The following ACSBG1 variants were observed in gnomAD, a reference collection of about 807,000 sequenced individuals.
The protein encoded by ACSBG1 is acyl-CoA synthetase bubblegum family member 1.
Under a neutral mutation model 80.2 loss-of-function variants are expected in ACSBG1, and 39 were observed. That is an observed-to-expected ratio of 0.49 (90% CI 0.38 to 0.64). The LOEUF is 0.64. Among genes scored for constraint, ACSBG1 ranks in the 30% least tolerant of loss-of-function variants. ACSBG1 has a pLI of 0.00. For synonymous variants in ACSBG1, 392 were observed against 379.5 expected (o/e 1.03, Z -0.38); for missense variants, 828 against 966.4 (o/e 0.86, Z 1.90).
intron 10 of ACSBG1, among the ~76,000 whole-genome samples, chr15:78,179,267 A>T (rs2074915868): frequency 6.6e-6 from 1 of 152,152 alleles, no homozygotes; most frequent in African/African-American, 2.4e-5. Flanking sequence ...GCCAGAGGAA[A>T]ACTGCTCCAT....
chr15:78,194,407 G>T (rs1390575800), intron 3 of ACSBG1, 99 bp downstream of exon 3: 1 of 1,116,260 alleles, frequency 9.0e-7, no homozygotes, highest in Non-Finnish European at 1.3e-6. Flanking sequence ...GTTCCTAAGA[G>T]CCTTGCCCAG....
chr15:78,217,626 G>A (rs2141379080), intron 1 of ACSBG1, among the ~76,000 whole-genome samples: 1 of 151,390 alleles, frequency 6.6e-6, no homozygotes. Flanking sequence ...GAGTGCAGTG[G>A]TGCGATCTCG....
At chr15:78,182,427 C>A in intron 7 of ACSBG1, 39 bp downstream of exon 7, 3 of 1,596,890 alleles carry the variant, frequency 1.9e-6, no homozygotes, top group Non-Finnish European at 2.6e-6. Context: ...ACCCATAACC[C>A]CCTTGCACCC....
chr15:78,201,873 G>C (rs1371794523), intron 2 of ACSBG1, among the ~76,000 whole-genome samples: 2 of 152,222 alleles, frequency 1.3e-5, no homozygotes, highest in African/African-American at 4.8e-5. Flanking sequence ...ACATGCATGA[G>C]ACCGGAGCTG....
At chr15:78,206,315 T>C (rs1052638807) in intron 2 of ACSBG1, among the ~76,000 whole-genome samples, 2 of 152,096 alleles carry the variant, frequency 1.3e-5, no homozygotes, top group Non-Finnish European at 1.5e-5. Flanking sequence ...CAGCCACAGG[T>C]CCTTCTAATG....
chr15:78,213,976 G>A (rs1287551750), intron 1 of ACSBG1: 1 of 152,226 alleles, frequency 6.6e-6, no homozygotes, highest in Non-Finnish European at 1.5e-5. Context: ...ATTGTGAACA[G>A]GGGTCTCCAC....
At chr15:78,225,520 A>G (rs2075393612) in intron 1 of ACSBG1, among the ~76,000 whole-genome samples, 1 of 152,160 alleles carries the variant, frequency 6.6e-6, no homozygotes, top group Admixed American at 6.5e-5. Flanking sequence ...AAAATGTGCA[A>G]GATACCTACA....
intron 5 of ACSBG1, among the ~76,000 whole-genome samples, chr15:78,183,360 T>C (rs936566128): frequency 5.3e-5 from 8 of 152,158 alleles, no homozygotes; most frequent in Non-Finnish European, 1.2e-4. Flanking sequence ...GAGGGTCATT[T>C]GAGGTCAGGA....
chr15:78,173,618 GTC>G lies in ACSBG1; in HGVS notation c.2062_2063del (p.Asp688LeufsTer28), dbSNP rs755031115. The G allele has an allele frequency of 6.2e-7, 1 of 1,614,084 alleles. No homozygotes were observed. The highest frequency in any genetic ancestry group is 8.5e-7 in the Non-Finnish European group (1 of 1,180,036). On this transcript the variant is annotated frameshift_variant, in exon 13 of 14. Coordinates refer to ENST00000258873, the MANE Select transcript of ACSBG1 (RefSeq NM_015162.5). LOFTEE classifies it high-confidence loss of function. ...HIQKWAILER[D>X]FSISGGELGP... ...CCAACTCTCCACCCGAAATGGAGAA[GTC>G]TCTCTCGAGAATGGCCCACTTCTGG...
chr15:78,176,255 G>T (rs1333814979), intron 11 of ACSBG1, among the ~76,000 whole-genome samples: 1 of 152,016 alleles, frequency 6.6e-6, no homozygotes, highest in African/African-American at 2.4e-5. Flanking sequence ...CTGAGATCAG[G>T]AACAAAACAA....
At position 78,194,618 on chromosome 15, in the gene ACSBG1, T is replaced by C. The variant is rs1387459033; in HGVS notation, c.341A>G (p.Asp114Gly). The change falls in exon 3 of 14, where the codon GAT (aspartate) becomes GGT (glycine). Residue 114 changes from aspartate to glycine, a missense_variant. Physicochemically the swap from Asp to Gly is moderately conservative, Grantham distance 94. Around this residue, in one of 3 missense-constraint regions of ACSBG1, gnomAD observed 356 missense variants for 363.5 expected, o/e 0.98. Transcript: ENST00000258873. Reference sequence around the variant, plus strand: ...CAAAGCGATGAGGTCCCCATACTTATCCAGGGCCTCGTAGAACATCCGATG... The same window carrying C: ...CAAAGCGATGAGGTCCCCATACTTACCCAGGGCCTCGTAGAACATCCGATG... ...TVHRMFYEAL[D>G]KYGDLIALGF... 7 of 1,614,268 alleles carry C rather than the reference T, an allele frequency of 4.3e-6. No homozygotes were observed. Among genetic ancestry groups the C allele is most frequent in the Middle Eastern group, 1.6e-4 (1 of 6,062 alleles).
At position 78,176,820 on chromosome 15, in the gene ACSBG1, G is replaced by A. The variant is rs528112322; in HGVS notation, c.1702+1794C>T. Among the ~76,000 whole-genome samples the A allele has an allele frequency of 3.9e-5, 6 of 152,178 alleles. No individual in the cohort carries two copies. In the South Asian group the frequency reaches 1.0e-3, roughly 26 times the overall value. The stretch of plus-strand genomic sequence containing the variant: ...CACCTGTGGTCCCAGCTACTTGAGA[G>A]GCTGAGGCTGGACCGGAGGATCACT... On this transcript the variant is annotated intron_variant, in intron 11 of 13. Coordinates refer to ENST00000258873, the MANE Select transcript of ACSBG1 (RefSeq NM_015162.5).
chr15:78,228,067 A>G (rs969092285), intron 1 of ACSBG1, among the ~76,000 whole-genome samples: 2 of 152,164 alleles, frequency 1.3e-5, no homozygotes, highest in South Asian at 2.1e-4. Flanking sequence ...GCTGACATCT[A>G]AATTCTTATT....
intron 5 of ACSBG1, among the ~76,000 whole-genome samples, chr15:78,192,329 G>A (rs1054915272): frequency 4.6e-5 from 7 of 152,164 alleles, no homozygotes; most frequent in Non-Finnish European, 1.0e-4. Context: ...AGCTCTGGCA[G>A]GTCCAGCCCA....
intron 4 of ACSBG1, 105 bp from the exon 5 acceptor site, chr15:78,193,731 C>T: frequency 6.7e-7 from 1 of 1,485,700 alleles, no homozygotes; most frequent in Non-Finnish European, 9.0e-7. Flanking sequence ...CTCCCATAGC[C>T]TGGCAGGAGG....
intron 5 of ACSBG1, among the ~76,000 whole-genome samples, chr15:78,183,916 T>C (rs937118389): frequency 1.6e-4 from 25 of 151,880 alleles, no homozygotes; most frequent in Middle Eastern, 3.2e-3. Context: ...TACAAAATTT[T>C]TAGAAAGGGA....
intron 2 of ACSBG1, among the ~76,000 whole-genome samples, chr15:78,205,589 C>T (rs1183271409): frequency 1.3e-5 from 2 of 152,208 alleles, no homozygotes; most frequent in East Asian, 3.8e-4. Context: ...CCTCTCTGAG[C>T]TCCATTTCCT....
intron 2 of ACSBG1, among the ~76,000 whole-genome samples, chr15:78,205,556 G>T (rs557181848): frequency 6.6e-6 from 1 of 152,210 alleles, no homozygotes; most frequent in African/African-American, 2.4e-5. Flanking sequence ...TACCAGCTGT[G>T]TGACTCTGAG....
chr15:78,207,925 A>ACCCCCCCCCCC, intron 2 of ACSBG1, 77 bp downstream of exon 2: 28 of 454,970 alleles, frequency 6.2e-5, no homozygotes, highest in East Asian at 1.2e-4. Context: ...GGTCCCCCAC[A>ACCCCCCCCCCC]CCACCCACCC....
Sources: allele counts gnomAD v4.1 joint callset (sites outside exome capture counted in the v4.1 genomes callset), GRCh38; gene constraint gnomAD v4.1.1; regional missense constraint gnomAD v4.1.1; transcripts MANE v1.5; gene names NCBI Gene and HGNC (gene_info 2026-07-23, HGNC 2026-07-21).